ANKRD36B: variants seen among roughly 807,000 people sequenced by gnomAD.
ANKRD36B encodes the protein ankyrin repeat domain 36B.
Under a neutral mutation model 135.7 loss-of-function variants are expected in ANKRD36B, and 37 were observed. That is an observed-to-expected ratio of 0.27 (90% confidence interval 0.21 to 0.36). The LOEUF (loss-of-function observed/expected upper bound fraction) is 0.36, where lower values mean the gene tolerates loss of function less well. Among genes scored for constraint, ANKRD36B ranks in the 10% least tolerant of loss-of-function variants. ANKRD36B has a pLI of 1.00. For synonymous variants in ANKRD36B, 179 were observed against 348.1 expected, an observed-to-expected ratio of 0.51 and a Z score of 5.41; for missense variants, 549 against 1,037.1, an observed-to-expected ratio of 0.53 and a Z score of 6.46.
rs1165462112 is a variant in ANKRD36B, at chr2:97,536,313, T to C, written c.2178A>G (p.Gln726=). The part of the protein sequence containing the change: ...LNTATKMKEV[Q]TSTPAEQDLE... ...TGCAAAGTTTACCTGGTGTGGATGT[T>C]TGTACCTCCTTCATTTTGGTGGCTG... The change falls in exon 34 of 44, where the codon CAA becomes CAG. Residue 726 remains glutamine (Q), a synonymous_variant. Transcript: ENST00000359901. 5.3e-6 allele frequency: 5 copies of C among 939,214 alleles called. 2 individuals carry two copies. In the African/African-American group the frequency reaches 8.4e-5, roughly 16 times the overall value. 58.2% of individuals were successfully genotyped at this position (939,214 alleles called of 1,614,324 possible).
chr2:97,559,651 C>T (rs376558071), intron 8 of ANKRD36B, among the ~76,000 whole-genome samples: 9 of 151,916 alleles, frequency 5.9e-5, no homozygotes, highest in Admixed American at 4.6e-4. Context: ...TGGCAACAAA[C>T]GATAATGTAT....
At chr2:97,574,282 G>A (rs888834167) in intron 6 of ANKRD36B, among the ~76,000 whole-genome samples, 14 of 152,078 alleles carry the variant, frequency 9.2e-5, no homozygotes, top group African/African-American at 3.1e-4. Context: ...AAAAACACAT[G>A]AAAAAATGCT....
At chr2:97,548,635 T>G (rs1305603671) in intron 20 of ANKRD36B, among the ~76,000 whole-genome samples, 2 of 151,912 alleles carry the variant, frequency 1.3e-5, no homozygotes, top group Middle Eastern at 3.2e-3. Context: ...AAATAGCTAT[T>G]GTATCCAAGA....
In ANKRD36B at chr2:97,549,287, T is replaced by C. The variant is rs1488886658; in HGVS notation, c.1477+132A>G. 7 of 1,209,842 alleles carry C rather than the reference T, an allele frequency of 5.8e-6. No homozygotes were observed. The Admixed American group carries it at 7.9e-5, about 14-fold the overall frequency. The allele number at this position is 1,209,842 out of a possible 1,614,324, so 74.9% of individuals were successfully genotyped here. On this transcript the variant is annotated intron_variant, in intron 20 of 43. Coordinates refer to ENST00000359901, the MANE Select transcript of ANKRD36B (RefSeq NM_001393939.1). ...GCATCAGCATCACTCAAGAACTTAC[T>C]ACAAATGAAGAATCTCTGGCCTGCT...
intron 3 of ANKRD36B, 109 bp from the exon 4 acceptor site, chr2:97,580,677 G>A (rs2442292): frequency 8.7e-5 from 86 of 987,780 alleles, no homozygotes; most frequent in Middle Eastern, 2.3e-4. Context: ...TTGAAAGGTC[G>A]TAAGAGGTAG....
chr2:97,552,136 C>T (rs1211514661), intron 16 of ANKRD36B, among the ~76,000 whole-genome samples: 2 of 151,866 alleles, frequency 1.3e-5, no homozygotes, highest in Non-Finnish European at 2.9e-5. Context: ...TTCATCCAGT[C>T]GTGACACCAA....
intron 8 of ANKRD36B, among the ~76,000 whole-genome samples, chr2:97,559,230 T>A (rs991352332): frequency 2.6e-5 from 4 of 151,732 alleles, no homozygotes; most frequent in Admixed American, 1.3e-4. Flanking sequence ...TCGTGATACA[T>A]CTAAAACTAA....
At chr2:97,571,816 T>C (rs1379122411) in intron 6 of ANKRD36B, among the ~76,000 whole-genome samples, 1 of 152,154 alleles carries the variant, frequency 6.6e-6, no homozygotes, top group Non-Finnish European at 1.5e-5. Context: ...ACTAAAAATA[T>C]CTATAAAAAC....
At chr2:97,556,048 T>A (rs1576982073) in intron 12 of ANKRD36B, among the ~76,000 whole-genome samples, 1 of 151,926 alleles carries the variant, frequency 6.6e-6, no homozygotes, top group African/African-American at 2.4e-5. Context: ...AAATAACCAT[T>A]TTAGGATTCA....
intron 10 of ANKRD36B, among the ~76,000 whole-genome samples, chr2:97,558,456 G>A (rs1226249601): frequency 6.6e-6 from 1 of 151,806 alleles, no homozygotes; most frequent in East Asian, 1.9e-4. Flanking sequence ...TTAGCAATAC[G>A]ATGTGATGTC....
chr2:97,519,865 G>A (rs1267574556), intron 36 of ANKRD36B, among the ~76,000 whole-genome samples: 1 of 78,886 alleles, frequency 1.3e-5, no homozygotes, highest in African/African-American at 3.6e-5. Flanking sequence ...TGGGGTGATT[G>A]TGATGTGTCA....
chr2:97,549,883 T>A (rs1314962933), intron 18 of ANKRD36B, among the ~76,000 whole-genome samples: 7 of 151,978 alleles, frequency 4.6e-5, no homozygotes, highest in Non-Finnish European at 5.9e-5. Flanking sequence ...AATATCAATG[T>A]GCATAGGCCA....
chr2:97,536,792 T>C lies in ANKRD36B; in HGVS notation c.2090-296A>G, dbSNP rs1267693579. Among the ~76,000 whole-genome samples the C allele has an allele frequency of 3.1e-5, 3 of 97,178 alleles. 1 individual carries two copies. The highest frequency in any genetic ancestry group is 1.8e-4 in the Admixed American group (2 of 10,978). The allele number at this position is 97,178 out of a possible 152,430, so 63.8% of individuals were successfully genotyped here. On this transcript the variant is annotated intron_variant, in intron 32 of 43. Transcript: ENST00000359901. ...CTGATTAACAAGGAGAAATGTGATC[T>C]AAAATCAGAGGAGCAAGTCATAACC... is the stretch of plus-strand genomic sequence containing the variant.
intron 16 of ANKRD36B, 76 bp downstream of exon 16, chr2:97,553,092 C>A (rs781293400): frequency 2.0e-6 from 3 of 1,532,792 alleles, no homozygotes; most frequent in African/African-American, 2.8e-5. Context: ...ACCCGCCCTG[C>A]GCTGATTTAT....
At position 97,496,165 on chromosome 2, in the gene ANKRD36B, T is replaced by C. The variant is rs1320676431; in HGVS notation, c.*7-3310A>G. Among the ~76,000 whole-genome samples the C allele has an allele frequency of 7.6e-5, 8 of 105,418 alleles. 2 individuals are homozygous for C. Among genetic ancestry groups the C allele is most frequent in the African/African-American group, 1.6e-4 (6 of 38,472 alleles). 69.2% of individuals were successfully genotyped at this position (105,418 alleles called of 152,430 possible). A position where few individuals can be genotyped will look rare whatever the true frequency, so the allele number is the denominator to read the frequency against. On this transcript the variant is annotated intron_variant, in intron 43 of 43. Coordinates refer to ENST00000359901, the MANE Select transcript of ANKRD36B (RefSeq NM_001393939.1). ...ATTGCTGATGTGAAGACAGTTTTAG[T>C]GGTCTGGATAGAAAATCAAATGAGC...
chr2:97,575,303 CTT>C (rs1193383939), intron 6 of ANKRD36B, among the ~76,000 whole-genome samples: 3 of 151,310 alleles, frequency 2.0e-5, no homozygotes, highest in African/African-American at 7.3e-5. Flanking sequence ...AGATCGATGA[CTT>C]TGCCTAATAA....
chr2:97,554,558 C>A (rs1052463166), intron 14 of ANKRD36B, among the ~76,000 whole-genome samples: 1 of 151,902 alleles, frequency 6.6e-6, no homozygotes, highest in African/African-American at 2.4e-5. Context: ...CCCAAAATTA[C>A]ATAAATAACT....
intron 6 of ANKRD36B, among the ~76,000 whole-genome samples, chr2:97,562,311 G>A (rs961955204): frequency 2.6e-5 from 4 of 151,778 alleles, no homozygotes; most frequent in African/African-American, 9.7e-5. Context: ...CTCTAAAAAT[G>A]CATTCTTTGA....
At chr2:97,571,369 TG>T (rs1191026380) in intron 6 of ANKRD36B, among the ~76,000 whole-genome samples, 1 of 151,310 alleles carries the variant, frequency 6.6e-6, no homozygotes, top group Non-Finnish European at 1.5e-5. Context: ...ATTAGTAGGC[TG>T]GGGGCGGTGC....
Sources: allele counts gnomAD v4.1 joint callset (sites outside exome capture counted in the v4.1 genomes callset), GRCh38; gene constraint gnomAD v4.1.1; transcripts MANE v1.5; gene names NCBI Gene and HGNC (gene_info 2026-07-23, HGNC 2026-07-21).